Variants in PDE4D observed in about 807,000 individuals in gnomAD.
PDE4D encodes phosphodiesterase 4D.
A neutral mutation model predicts 87.4 loss-of-function variants in PDE4D; 24 were observed. That is an observed-to-expected ratio of 0.27 (90% CI 0.20 to 0.39). PDE4D has a LOEUF of 0.39. Ranked by LOEUF, PDE4D falls within the 10% of genes least tolerant of loss-of-function variation. The probability of loss-of-function intolerance (pLI) is 1.00; values close to 1 mark genes in which losing one functional copy is unlikely to be tolerated. For missense variants in PDE4D, 714 were observed against 1,041.0 expected (o/e 0.69, Z 4.32); for synonymous variants, 384 against 383.2 (o/e 1.00, Z -0.02).
intron 5 of PDE4D, among the ~76,000 whole-genome samples, chr5:59,086,928 C>T (rs1188761919): frequency 6.6e-6 from 1 of 152,082 alleles, no homozygotes; most frequent in African/African-American, 2.4e-5. Context: ...TTTCCTGGTA[C>T]CTGTCTTTCC....
intron 1 of PDE4D, among the ~76,000 whole-genome samples, 160 bp downstream of exon 1, chr5:59,893,008 A>G (rs1225122602): frequency 6.6e-6 from 1 of 151,940 alleles, no homozygotes; most frequent in Non-Finnish European, 1.5e-5. Context: ...CATACTCTCA[A>G]TAAAGGATAG....
At chr5:59,700,428 G>C (rs1752399216) in intron 1 of PDE4D, among the ~76,000 whole-genome samples, 1 of 151,992 alleles carries the variant, frequency 6.6e-6, no homozygotes, top group South Asian at 2.1e-4. Flanking sequence ...GTAAGAATGT[G>C]ACTTTGCAGA....
At chr5:60,517,499 C>A (rs1044206326) in intron 1 of PDE4D, among the ~76,000 whole-genome samples, 2 of 152,228 alleles carry the variant, frequency 1.3e-5, no homozygotes, top group Non-Finnish European at 2.9e-5. Flanking sequence ...TTCTCTGAAG[C>A]CCATAAAACT....
At chr5:59,396,580 A>C (rs1340319671) in intron 1 of PDE4D, among the ~76,000 whole-genome samples, 1 of 86,328 alleles carries the variant, frequency 1.2e-5, no homozygotes, top group African/African-American at 5.7e-5. Flanking sequence ...CTCCTGAAGG[A>C]AGCGCTAAAC....
At chr5:59,680,197 T>C (rs1457734166) in intron 1 of PDE4D, among the ~76,000 whole-genome samples, 2 of 152,116 alleles carry the variant, frequency 1.3e-5, no homozygotes, top group Admixed American at 1.3e-4. Context: ...TAACCAGATA[T>C]GAAGAGCCAC....
At chr5:59,243,403 CCTT>C (rs1758079596) in intron 1 of PDE4D, among the ~76,000 whole-genome samples, 1 of 147,848 alleles carries the variant, frequency 6.8e-6, no homozygotes, top group Non-Finnish European at 1.5e-5. Flanking sequence ...AAATGTTTTC[CCTT>C]TTTTAAAAAA....
At chr5:59,292,628 G>C (rs1233952171) in intron 1 of PDE4D, among the ~76,000 whole-genome samples, 3 of 152,132 alleles carry the variant, frequency 2.0e-5, no homozygotes, top group Admixed American at 2.0e-4. Context: ...TTAGTAAAAT[G>C]TTAAGAATAC....
chr5:60,145,231 T>C (rs1780887608), intron 2 of PDE4D, among the ~76,000 whole-genome samples: 3 of 152,180 alleles, frequency 2.0e-5, no homozygotes, highest in Admixed American at 2.0e-4. Flanking sequence ...TTTAAAGAAG[T>C]TAATATATTT....
At chr5:60,026,931 C>T (rs576285465) in intron 2 of PDE4D, among the ~76,000 whole-genome samples, 6 of 152,152 alleles carry the variant, frequency 3.9e-5, no homozygotes, top group South Asian at 2.1e-4. Context: ...CCTTTACACA[C>T]GCAAATTTTT....
At chr5:59,739,078 A>C (rs554836731) in intron 1 of PDE4D, among the ~76,000 whole-genome samples, 2 of 152,164 alleles carry the variant, frequency 1.3e-5, no homozygotes, top group African/African-American at 2.4e-5. Flanking sequence ...CAATGTAATA[A>C]ATTAGATGGC....
intron 5 of PDE4D, among the ~76,000 whole-genome samples, chr5:59,103,638 G>A (rs1342934724): frequency 2.0e-5 from 3 of 152,156 alleles, no homozygotes; most frequent in African/African-American, 7.2e-5. Flanking sequence ...TGGCTGGCAA[G>A]CTTCTCCCTT....
intron 1 of PDE4D, chr5:59,586,756 G>A (rs749051816): frequency 5.7e-5 from 56 of 985,326 alleles, no homozygotes; most frequent in Non-Finnish European, 6.6e-5. Flanking sequence ...ACTCTGGAAT[G>A]TGGGAAGAAA....
At chr5:59,607,661 G>C (rs1828398149) in intron 1 of PDE4D, among the ~76,000 whole-genome samples, 1 of 151,980 alleles carries the variant, frequency 6.6e-6, no homozygotes, top group African/African-American at 2.4e-5. Context: ...GGCAGCAGGG[G>C]GTAGGTGGGA....
rs370964358 is a variant in PDE4D at position 59,177,749 on chromosome 5, T to C, written c.808+2846A>G. Among the ~76,000 whole-genome samples, 13 of 152,326 alleles carry C rather than the reference T, an allele frequency of 8.5e-5. 1 individual carries two copies. The East Asian group carries it at 2.1e-3, about 25-fold the overall frequency. On this transcript the variant is annotated intron_variant, in intron 5 of 14. Coordinates refer to ENST00000340635, the MANE Select transcript of PDE4D (RefSeq NM_001104631.2). ...GCAGCCTTTTGGATCAGCCATGAAC[T>C]TAACTGTTAGGCTACACTGTTACTC...
At chr5:60,193,669 C>CAAAAAAAAAAAAAAAAA (rs35340734) in intron 1 of PDE4D, among the ~76,000 whole-genome samples, 2 of 46,872 alleles carry the variant, frequency 4.3e-5, no homozygotes, top group African/African-American at 7.8e-5. Flanking sequence ...GACTCCGTCT[C>CAAAAAAAAAAAAAAAAA]AAAAAAAAAA....
chr5:60,410,852 T>A (rs1041928195), intron 1 of PDE4D, among the ~76,000 whole-genome samples: 1 of 152,240 alleles, frequency 6.6e-6, no homozygotes, highest in Non-Finnish European at 1.5e-5. Context: ...CAGACATTTA[T>A]ATTTATTTTA....
rs139435200 is a variant in PDE4D at position 59,694,751 on chromosome 5, G to C, written c.455+198417C>G. Among the ~76,000 whole-genome samples, 7 of 152,168 alleles carry C rather than the reference G, an allele frequency of 4.6e-5. No individual in the cohort carries two copies. The East Asian group carries it at 1.2e-3, about 25-fold the overall frequency. On this transcript the variant is annotated intron_variant, in intron 1 of 14. Coordinates refer to ENST00000340635, the MANE Select transcript of PDE4D (RefSeq NM_001104631.2). ...TCTTGAGAAGGACCATGGATCTACG[G>C]TGATGTTTGAAGAGCAAGATTAAAA...
chr5:59,257,056 TAATA>T (rs1761117149), intron 1 of PDE4D, among the ~76,000 whole-genome samples: 1 of 152,076 alleles, frequency 6.6e-6, no homozygotes, highest in South Asian at 2.1e-4. Flanking sequence ...CATACATCTT[TAATA>T]AATGTTATGA....
At chr5:59,274,252 CA>C (rs1232512383) in intron 1 of PDE4D, among the ~76,000 whole-genome samples, 13 of 152,144 alleles carry the variant, frequency 8.5e-5, no homozygotes, top group African/African-American at 2.6e-4. Context: ...CGTTAAGAGA[CA>C]AAATCTTCAT....
Sources: gnomAD v4.1 joint callset for allele counts (sites outside exome capture counted in the v4.1 genomes callset) on GRCh38, gnomAD v4.1.1 for gene constraint, MANE v1.5 for transcripts, NCBI Gene and HGNC (gene_info 2026-07-23, HGNC 2026-07-21) for gene names.